ARK2N: variants seen among roughly 807,000 people sequenced by gnomAD.
ARK2N encodes protein ARK2N.
chr18:46,226,333 A>T, the ARK2N span, among the ~76,000 whole-genome samples: 2 of 152,158 alleles, frequency 1.3e-5, no homozygotes, highest in Non-Finnish European at 2.9e-5. Context: ...TTTTATTTTG[A>T]GCTTTAATTT....
chr18:46,204,289 A>G, the ARK2N span, among the ~76,000 whole-genome samples: 97 of 152,316 alleles, frequency 6.4e-4, no homozygotes, highest in Non-Finnish European at 1.1e-3. Flanking sequence ...GATAAATAGC[A>G]TAAGGTTTCC....
chr18:46,240,120 A>G, the ARK2N span: 3 of 1,614,186 alleles, frequency 1.9e-6, no homozygotes, highest in Admixed American at 3.3e-5. Flanking sequence ...GTAATTCTGT[A>G]GGCGGCCAGG....
the ARK2N span, among the ~76,000 whole-genome samples, chr18:46,210,054 A>T: frequency 6.7e-6 from 1 of 148,618 alleles, no homozygotes; most frequent in African/African-American, 2.6e-5. Flanking sequence ...TCTAGGACTT[A>T]AAAAAAAATA....
the ARK2N span, among the ~76,000 whole-genome samples, chr18:46,231,052 A>C: frequency 6.6e-6 from 1 of 152,100 alleles, no homozygotes; most frequent in Admixed American, 6.6e-5. Flanking sequence ...GACAATAATA[A>C]CTCTCTTAAT....
At chr18:46,200,211 A>T in the ARK2N span, among the ~76,000 whole-genome samples, 43 of 152,012 alleles carry the variant, frequency 2.8e-4, no homozygotes, top group Non-Finnish European at 8.8e-5. Context: ...TAATCAATCA[A>T]TTTTATCAGT....
At chr18:46,202,897 A>G in the ARK2N span, among the ~76,000 whole-genome samples, 4 of 152,264 alleles carry the variant, frequency 2.6e-5, no homozygotes, top group African/African-American at 9.6e-5. Context: ...TAGATCATGT[A>G]TCTTCTAGAT....
chr18:46,176,663 T>C, the ARK2N span, among the ~76,000 whole-genome samples: 1 of 151,892 alleles, frequency 6.6e-6, no homozygotes, highest in South Asian at 2.1e-4. Flanking sequence ...TTTGCTCTTG[T>C]TGCCCAGGCT....
chr18:46,228,724 T>G, the ARK2N span: 1 of 398,264 alleles, frequency 2.5e-6, no homozygotes. Flanking sequence ...TAGGTGGGAC[T>G]AGCACCTGGC....
At chr18:46,208,096 C>CT in the ARK2N span, among the ~76,000 whole-genome samples, 1 of 152,186 alleles carries the variant, frequency 6.6e-6, no homozygotes, top group Admixed American at 6.5e-5. Context: ...ATATACCAGT[C>CT]TTTAAGTTCA....
chr18:46,204,941 A>AAT, the ARK2N span, among the ~76,000 whole-genome samples: 2 of 81,464 alleles, frequency 2.5e-5, no homozygotes, highest in Non-Finnish European at 5.4e-5. Context: ...TTTTTTTTTT[A>AAT]TTTTTTTTAT....
chr18:46,253,130 CTA>C, the ARK2N span, among the ~76,000 whole-genome samples: 2 of 152,202 alleles, frequency 1.3e-5, no homozygotes, highest in Non-Finnish European at 2.9e-5. Flanking sequence ...TTTGTCAAAT[CTA>C]TGTTTCTTTA....
chr18:46,255,852 A>T, the ARK2N span, among the ~76,000 whole-genome samples: 3 of 150,204 alleles, frequency 2.0e-5, no homozygotes, highest in South Asian at 2.1e-4. Context: ...TTAATTACAA[A>T]TTTTTTCCTA....
the ARK2N span, among the ~76,000 whole-genome samples, chr18:46,177,776 G>C: frequency 6.6e-6 from 1 of 151,988 alleles, no homozygotes. Context: ...GGGTGGGGTG[G>C]TATGCATCTT....
At chr18:46,221,986 C>CTT in the ARK2N span, among the ~76,000 whole-genome samples, 9 of 152,156 alleles carry the variant, frequency 5.9e-5, no homozygotes, top group Non-Finnish European at 8.8e-5. Flanking sequence ...CAGGTAAAAA[C>CTT]TGTCTATTTT....
the ARK2N span, among the ~76,000 whole-genome samples, chr18:46,248,895 C>T: frequency 1.3e-5 from 2 of 151,938 alleles, no homozygotes; most frequent in African/African-American, 2.4e-5. Flanking sequence ...TATACTCTTA[C>T]GCAGCTACTT....
At chr18:46,202,041 G>A in the ARK2N span, among the ~76,000 whole-genome samples, 1 of 151,742 alleles carries the variant, frequency 6.6e-6, no homozygotes, top group Non-Finnish European at 1.5e-5. Context: ...GCCTCCCAAA[G>A]TGCTGGGATT....
chr18:46,209,591 TTTTTG>T, the ARK2N span, among the ~76,000 whole-genome samples: 1 of 152,032 alleles, frequency 6.6e-6, no homozygotes, highest in South Asian at 2.1e-4. Context: ...AACAACCTGT[TTTTTG>T]TTTTGTTTTG....
chr18:46,233,429 A>T, the ARK2N span, among the ~76,000 whole-genome samples: 1 of 152,186 alleles, frequency 6.6e-6, no homozygotes, highest in Non-Finnish European at 1.5e-5. Flanking sequence ...CCTGAAATAG[A>T]TAAATTGAAA....
the ARK2N span, among the ~76,000 whole-genome samples, chr18:46,247,564 T>C: frequency 2.0e-5 from 3 of 152,248 alleles, no homozygotes. Flanking sequence ...TTTAATTTGG[T>C]TTAATTAATT....
Sources: allele counts gnomAD v4.1 joint callset (sites outside exome capture counted in the v4.1 genomes callset), GRCh38; gene constraint gnomAD v4.1.1; transcripts MANE v1.5; gene names NCBI Gene and HGNC (gene_info 2026-07-23, HGNC 2026-07-21).